MX2: variants seen among roughly 807,000 people sequenced by gnomAD.
MX2 encodes the protein MX dynamin like GTPase 2, also known as interferon-induced GTP-binding protein Mx2.
Under a neutral mutation model 74.0 loss-of-function variants are expected in MX2, and 51 were observed. The observed-to-expected ratio is 0.69, with a 90% CI of 0.55 to 0.87. The LOEUF (loss-of-function observed/expected upper bound fraction) is 0.87, where lower values mean the gene tolerates loss of function less well. Ranked by LOEUF, MX2 falls within the 40% of genes least tolerant of loss-of-function variation. The pLI is 0.00. For synonymous variants in MX2, 369 were observed against 339.3 expected (o/e 1.09, Z -0.96); for missense variants, 832 against 908.7 (o/e 0.92, Z 1.09).
chr21:41,395,708 G>A lies in MX2; in HGVS notation c.993G>A (p.Gln331=), dbSNP rs752295077. ...TGATTGTGAAGTGCCGGGGCCAGCA[G>A]GAGATCACAAACAGGCTGAGCTTGG... ...GYMIVKCRGQ[Q]EITNRLSLAE... is the part of the protein sequence containing the mutation. The change falls in exon 7 of 14, where the codon CAG becomes CAA. Residue 331 remains glutamine, a synonymous_variant. Coordinates refer to ENST00000330714, the MANE Select transcript of MX2 (RefSeq NM_002463.2). 2 of 1,614,180 alleles carry A rather than the reference G, an allele frequency of 1.2e-6. No individual in the cohort carries two copies. Among genetic ancestry groups the A allele is most frequent in the South Asian group, 2.2e-5 (2 of 91,084 alleles).
In MX2 at chr21:41,407,874, C is replaced by T. The variant is rs966876707; in HGVS notation, c.1906-117C>T. 41 of 1,379,568 alleles carry T rather than the reference C, an allele frequency of 3.0e-5. No individual in the cohort carries two copies. The African/African-American group carries it at 4.2e-4, about 14-fold the overall frequency. The allele number at this position is 1,379,568 out of a possible 1,614,324, so 85.5% of individuals were successfully genotyped here. A position where few individuals can be genotyped will look rare whatever the true frequency, so the allele number is the denominator to read the frequency against. ...ACCACCGGAGTGGAGGTGGGCGAGACCACCAGGGCTTCGCCAGGCAACCAT... is the reference window on the plus strand; with the variant it reads ...ACCACCGGAGTGGAGGTGGGCGAGATCACCAGGGCTTCGCCAGGCAACCAT... On this transcript the variant is annotated intron_variant, in intron 13 of 13. Coordinates refer to ENST00000330714, the MANE Select transcript of MX2 (RefSeq NM_002463.2).
intron 1 of MX2, among the ~76,000 whole-genome samples, chr21:41,369,944 T>G (rs917478888): frequency 2.0e-5 from 3 of 152,098 alleles, no homozygotes; most frequent in African/African-American, 7.2e-5. Flanking sequence ...CAGCCTGCCT[T>G]TAGCCAGAAA....
intron 12 of MX2, among the ~76,000 whole-genome samples, chr21:41,405,546 G>A (rs2145975663): frequency 6.6e-6 from 1 of 152,036 alleles, no homozygotes; most frequent in South Asian, 2.1e-4. Context: ...CATTCATGAG[G>A]CTCTACCCTC....
At chr21:41,376,477 G>A (rs1043634797) in intron 1 of MX2, among the ~76,000 whole-genome samples, 2 of 152,148 alleles carry the variant, frequency 1.3e-5, no homozygotes, top group Admixed American at 6.5e-5. Context: ...GTCCAGGGAG[G>A]TTGAGGCTGC....
chr21:41,384,245 T>G (rs1285840595), intron 5 of MX2, among the ~76,000 whole-genome samples: 1 of 152,204 alleles, frequency 6.6e-6, no homozygotes, highest in African/African-American at 2.4e-5. Flanking sequence ...TCCTTTATAA[T>G]TACCCAGTCT....
chr21:41,402,082 C>G lies in MX2; in HGVS notation c.1527C>G (p.Ile509Met), dbSNP rs368410852. The G allele has an allele frequency of 1.9e-6, 3 of 1,614,034 alleles. No homozygotes were observed. Among genetic ancestry groups the G allele is most frequent in the African/African-American group, 2.7e-5 (2 of 74,918 alleles). ...KTFEIIVHQY[I>M]QQLVEPALSM... ...TTGAGATCATCGTGCATCAGTACAT[C>G]CAGCAGCTGGTGGAGCCCGCCCTTA... is the stretch of plus-strand genomic sequence containing the variant. Residue 509 changes from isoleucine (I) to methionine (M), a missense_variant, in exon 11 of 14, where the codon ATC becomes ATG. Coordinates refer to ENST00000330714, the MANE Select transcript of MX2 (RefSeq NM_002463.2). The surrounding 1 kb of genome is among the most constrained non-coding windows in gnomAD (Gnocchi z 4.5).
At chr21:41,400,290 A>G (rs995682915) in intron 10 of MX2, among the ~76,000 whole-genome samples, 4 of 152,208 alleles carry the variant, frequency 2.6e-5, no homozygotes, top group African/African-American at 9.7e-5. Flanking sequence ...GGTTTTAGCA[A>G]TAAGTAAAGA....
At position 41,377,997 on chromosome 21, in the gene MX2, C is replaced by T. The variant is rs200615883; in HGVS notation, c.442+16C>T. Reference sequence around the variant, plus strand: ...AGAGGCAGCGGTAAGTTCAACGGACCACCTTCCCTCCGCAGCAAGCAGCGC... The same window carrying T: ...AGAGGCAGCGGTAAGTTCAACGGACTACCTTCCCTCCGCAGCAAGCAGCGC... On this transcript the variant is annotated intron_variant, in intron 3 of 13. Transcript: ENST00000330714. 1.7e-4 allele frequency: 277 copies of T among 1,606,860 alleles called. 1 individual carries two copies. In the African/African-American group the frequency reaches 3.3e-3, roughly 19 times the overall value.
rs185900998 is a variant in MX2, at chr21:41,379,506, C to T, written c.443-511C>T. Among the ~76,000 whole-genome samples the T allele has an allele frequency of 4.6e-4, 70 of 152,308 alleles. No individual in the cohort carries two copies. In the East Asian group the frequency reaches 7.9e-3, roughly 17 times the overall value. On this transcript the variant is annotated intron_variant, in intron 3 of 13. Coordinates refer to ENST00000330714, the MANE Select transcript of MX2 (RefSeq NM_002463.2). Reference sequence around the variant, plus strand: ...TCCTCCAGGCTTTCACCACCTTCTTCCCACTCCTTGAGAGGGGTTCCATGG... The same window carrying T: ...TCCTCCAGGCTTTCACCACCTTCTTTCCACTCCTTGAGAGGGGTTCCATGG...
In MX2 at chr21:41,407,975, T is replaced by C. The variant is rs1037354287; in HGVS notation, c.1906-16T>C. ...CTGAGACCACTCCAGCAAACCCTTC[T>C]TTCTCCCTCTTCCAGGAAACCAGCA... On this transcript the variant is annotated splice_polypyrimidine_tract_variant and intron_variant, in intron 13 of 13. Transcript: ENST00000330714. 3 of 1,613,812 alleles carry C rather than the reference T, an allele frequency of 1.9e-6. No homozygotes were observed. In the Admixed American group the frequency reaches 5.0e-5, roughly 27 times the overall value.
chr21:41,379,880 CCTA>C, intron 3 of MX2, 134 bp from the exon 4 acceptor site: 2 of 1,106,072 alleles, frequency 1.8e-6, no homozygotes, highest in Non-Finnish European at 2.6e-6. Context: ...GACCCCCTCA[CCTA>C]CTACCAGGCC....
intron 2 of MX2, 68 bp downstream of exon 2, chr21:41,377,223 A>C (rs1175118273): frequency 6.3e-7 from 1 of 1,584,034 alleles, no homozygotes; most frequent in African/African-American, 1.3e-5. Context: ...CTGTCATGTA[A>C]GCCCACCACA....
intron 3 of MX2, 25 bp from the exon 4 acceptor site, chr21:41,379,992 G>T: frequency 1.9e-6 from 3 of 1,612,668 alleles, no homozygotes; most frequent in Non-Finnish European, 2.5e-6. Flanking sequence ...GGAAACTGAG[G>T]ATATTTGGGG....
In MX2 at chr21:41,368,712, T is replaced by C. The variant is rs2145854486; in HGVS notation, c.-72+6657T>C. On this transcript the variant is annotated intron_variant, in intron 1 of 13. Transcript: ENST00000330714. The surrounding 1 kb of genome is among the most constrained non-coding windows in gnomAD (Gnocchi z 4.6). ...GAACATGAAATGAAGAATATTGGGCTTCACAAAAGGAACCCTCCTTTCCCT... is the reference window on the plus strand; with the variant it reads ...GAACATGAAATGAAGAATATTGGGCCTCACAAAAGGAACCCTCCTTTCCCT... 6.6e-6 allele frequency among the ~76,000 whole-genome samples: 1 copy of C among 152,350 alleles called. No homozygotes were observed. Among genetic ancestry groups the C allele is most frequent in the African/African-American group, 2.4e-5 (1 of 41,582 alleles).
intron 3 of MX2, among the ~76,000 whole-genome samples, chr21:41,379,260 C>T (rs2089455126): frequency 6.6e-6 from 1 of 152,152 alleles, no homozygotes; most frequent in Non-Finnish European, 1.5e-5. Context: ...GGCACGGGAC[C>T]CTGGGCGAGT....
At position 41,366,258 on chromosome 21, in the gene MX2, A is replaced by G. The variant is rs1401508424; in HGVS notation, c.-72+4203A>G. ...ACCCCAGGTGCACAGTTTGGGGAAC[A>G]TAGTCTTATAGATTTGATGAATTCC... On this transcript the variant is annotated intron_variant, in intron 1 of 13. Coordinates refer to ENST00000330714, the MANE Select transcript of MX2 (RefSeq NM_002463.2). This position sits in a 1 kb window ranked among gnomAD's most constrained non-coding sequence, Gnocchi z 4.5. 6.6e-6 allele frequency: 1 copy of G among 152,236 alleles called. No individual in the cohort carries two copies. The highest frequency in any genetic ancestry group is 1.9e-4 in the East Asian group (1 of 5,202). 9.4% of individuals were successfully genotyped at this position (152,236 alleles called of 1,614,324 possible).
At chr21:41,406,642 T>C in intron 12 of MX2, 102 bp from the exon 13 acceptor site, 1 of 1,180,188 alleles carries the variant, frequency 8.5e-7, no homozygotes, top group Non-Finnish European at 1.2e-6. Flanking sequence ...GACTATGGAT[T>C]CGTTTTATTT....
Position 41,402,086 on chromosome 21 carries a change from C to G in MX2, c.1531C>G (p.Gln511Glu). 1 of 1,614,160 alleles carries G rather than the reference C, an allele frequency of 6.2e-7. No homozygotes were observed. Among genetic ancestry groups the G allele is most frequent in the Non-Finnish European group, 8.5e-7 (1 of 1,180,014 alleles). ...FEIIVHQYIQ[Q>E]LVEPALSMLQ... ...GATCATCGTGCATCAGTACATCCAG[C>G]AGCTGGTGGAGCCCGCCCTTAGCAT... Residue 511 changes from glutamine to glutamate, a missense_variant, in exon 11 of 14, where the codon CAG becomes GAG. By Grantham distance (29) the Gln-to-Glu change is conservative (BLOSUM62 2). Transcript: ENST00000330714. This position sits in a 1 kb window ranked among gnomAD's most constrained non-coding sequence, Gnocchi z 4.5.
chr21:41,390,820 C>T (rs1420031925), intron 6 of MX2, 117 bp downstream of exon 6: 18 of 1,141,936 alleles, frequency 1.6e-5, no homozygotes, highest in Non-Finnish European at 2.2e-5. Context: ...CCTGGCTAAT[C>T]CGGTGAAACC....
Sources: gnomAD v4.1 joint callset for allele counts (sites outside exome capture counted in the v4.1 genomes callset) on GRCh38, gnomAD v4.1.1 for gene constraint, Gnocchi (gnomAD v3.1) non-coding constraint, MANE v1.5 for transcripts, NCBI Gene and HGNC (gene_info 2026-07-23, HGNC 2026-07-21) for gene names.